The following TRIM9 variants were observed in gnomAD, a reference collection of about 807,000 sequenced individuals.
The protein encoded by TRIM9 is tripartite motif containing 9.
A neutral mutation model predicts 78.3 loss-of-function variants in TRIM9; 26 were observed. The ratio of observed to expected loss-of-function variants is 0.33; its 90% CI spans 0.24 to 0.46. The LOEUF (loss-of-function observed/expected upper bound fraction) is 0.46. TRIM9 is among the 20% of genes least tolerant of loss of function. The probability of loss-of-function intolerance (pLI) is 1.00; values close to 1 mark genes in which losing one functional copy is unlikely to be tolerated. For synonymous variants in TRIM9, 398 were observed against 416.5 expected (o/e 0.96, Z 0.54); for missense variants, 787 against 1,036.4 (o/e 0.76, Z 3.30).
At chr14:51,035,506 A>G (rs991129709) in intron 1 of TRIM9, among the ~76,000 whole-genome samples, 7 of 152,208 alleles carry the variant, frequency 4.6e-5, no homozygotes, top group Non-Finnish European at 7.3e-5. Flanking sequence ...AAAAAACACT[A>G]TTTGTAGAAC....
rs776195727 is a variant in TRIM9, at chr14:51,010,511, A to C, written c.1042-17T>G. ...TCGAACCACCTAGGATTAAAAAAAAAACAACAGAACAGTCCAAGATGGCAG... is the reference window on the plus strand; with the variant it reads ...TCGAACCACCTAGGATTAAAAAAAACACAACAGAACAGTCCAAGATGGCAG... On this transcript the variant is annotated splice_polypyrimidine_tract_variant and intron_variant, in intron 3 of 12. Transcript: ENST00000684578. 5.0e-6 allele frequency: 8 copies of C among 1,591,524 alleles called. No individual in the cohort carries two copies. In the African/African-American group the frequency reaches 8.1e-5, roughly 16 times the overall value.
intron 7 of TRIM9, among the ~76,000 whole-genome samples, chr14:50,992,897 A>G (rs1016895386): frequency 6.6e-6 from 1 of 152,224 alleles, no homozygotes; most frequent in Non-Finnish European, 1.5e-5. Context: ...TTGTCATTAG[A>G]TAAAACAATC....
chr14:51,077,140 A>C (rs1169954782), intron 1 of TRIM9, among the ~76,000 whole-genome samples: 1 of 152,144 alleles, frequency 6.6e-6, no homozygotes, highest in Non-Finnish European at 1.5e-5. Context: ...GGGTTCTCCT[A>C]ACTTATGTAC....
chr14:51,016,914 T>C (rs1212368172), intron 3 of TRIM9, among the ~76,000 whole-genome samples: 2 of 152,234 alleles, frequency 1.3e-5, no homozygotes, highest in Non-Finnish European at 2.9e-5. Context: ...GACTGTACTT[T>C]TAAGATGCAA....
intron 1 of TRIM9, among the ~76,000 whole-genome samples, chr14:51,032,726 A>C (rs1464817045): frequency 6.6e-6 from 1 of 152,246 alleles, no homozygotes. Context: ...CCTCATCTGC[A>C]ACATGGGGAT....
intron 1 of TRIM9, among the ~76,000 whole-genome samples, chr14:51,079,429 C>A (rs894292014): frequency 4.6e-5 from 7 of 152,176 alleles, no homozygotes; most frequent in African/African-American, 1.7e-4. Context: ...TGTCCTATTT[C>A]ATTTCCATGG....
chr14:51,041,361 G>A (rs559745990), intron 1 of TRIM9, among the ~76,000 whole-genome samples: 4 of 152,356 alleles, frequency 2.6e-5, no homozygotes, highest in South Asian at 2.1e-4. Flanking sequence ...TGAAGCTGCC[G>A]CTAACATCAC....
intron 1 of TRIM9, among the ~76,000 whole-genome samples, chr14:51,072,063 T>C (rs945971358): frequency 1.3e-5 from 2 of 152,198 alleles, no homozygotes; most frequent in African/African-American, 4.8e-5. Flanking sequence ...TTCTCTGGGC[T>C]GCCCATGCTG....
chr14:51,049,945 G>C (rs1027320423), intron 1 of TRIM9, among the ~76,000 whole-genome samples: 2 of 152,110 alleles, frequency 1.3e-5, no homozygotes, highest in African/African-American at 4.8e-5. Flanking sequence ...GGAGGGGTTG[G>C]GTGCATTAAG....
chr14:51,053,596 T>TTTTTTTTTTTTTTTTTTTTTA (rs2060637244), intron 1 of TRIM9, among the ~76,000 whole-genome samples: 2 of 56,460 alleles, frequency 3.5e-5, no homozygotes, highest in Non-Finnish European at 8.2e-5. Context: ...TTTTTTTTAA[T>TTTTTTTTTTTTTTTTTTTTTA]TTTTTTTTTT....
chr14:50,987,777 A>T (rs1443891686), intron 7 of TRIM9, among the ~76,000 whole-genome samples: 1 of 151,956 alleles, frequency 6.6e-6, no homozygotes, highest in African/African-American at 2.4e-5. Context: ...TGTCAATAAA[A>T]TATTTTATTT....
intron 1 of TRIM9, among the ~76,000 whole-genome samples, chr14:51,025,575 A>G (rs533894336): frequency 6.6e-6 from 1 of 152,332 alleles, no homozygotes; most frequent in South Asian, 2.1e-4. Context: ...TTCTGGCCAC[A>G]GCAGTCAAAG....
At chr14:51,060,680 G>C (rs779597990) in intron 1 of TRIM9, among the ~76,000 whole-genome samples, 1 of 152,100 alleles carries the variant, frequency 6.6e-6, no homozygotes, top group Non-Finnish European at 1.5e-5. Context: ...TGTTAGCCAG[G>C]ATGGTCTCGA....
intron 11 of TRIM9, 54 bp from the exon 12 acceptor site, chr14:50,979,603 TCCC>T: frequency 6.8e-7 from 1 of 1,474,678 alleles, no homozygotes; most frequent in South Asian, 1.2e-5. Context: ...CTCTAGAAGC[TCCC>T]CCCTTTTGTG....
At chr14:51,018,333 T>C (rs894897728) in intron 3 of TRIM9, among the ~76,000 whole-genome samples, 2 of 151,932 alleles carry the variant, frequency 1.3e-5, no homozygotes, top group African/African-American at 4.8e-5. Context: ...TTTCCTTCTT[T>C]CCTTCCTTCT....
At chr14:51,032,886 A>G (rs2058850280) in intron 1 of TRIM9, among the ~76,000 whole-genome samples, 1 of 152,234 alleles carries the variant, frequency 6.6e-6, no homozygotes, top group African/African-American at 2.4e-5. Context: ...AAACATTTCA[A>G]TGAACCTTTC....
intron 5 of TRIM9, among the ~76,000 whole-genome samples, chr14:51,003,657 G>C (rs1181361122): frequency 6.6e-6 from 1 of 151,616 alleles, no homozygotes; most frequent in South Asian, 2.1e-4. Flanking sequence ...AAAAAAAAAA[G>C]GCTAGACTCT....
In TRIM9 at chr14:50,996,265, C is replaced by T. The variant is rs1424421870; in HGVS notation, c.1603+1785G>A. The stretch of plus-strand genomic sequence containing the variant: ...TTCTTTGTTGGAAGAGAACTTGTTC[C>T]GTTTGTTTCATCTAGAAAATGACCC... On this transcript the variant is annotated intron_variant, in intron 7 of 12. Transcript: ENST00000684578. The T allele has an allele frequency of 1.0e-5, 10 of 985,156 alleles. No homozygotes were observed. In the South Asian group the frequency reaches 1.9e-4, roughly 19 times the overall value. 61.0% of individuals were successfully genotyped at this position (985,156 alleles called of 1,614,324 possible). A position where few individuals can be genotyped will look rare whatever the true frequency, so the allele number is the denominator to read the frequency against.
chr14:51,058,288 C>T (rs139595919), intron 1 of TRIM9, among the ~76,000 whole-genome samples: 1 of 152,284 alleles, frequency 6.6e-6, no homozygotes, highest in East Asian at 1.9e-4. Context: ...CATCCTTGAG[C>T]TAGTTACTCA....
Sources: gnomAD v4.1 joint callset for allele counts (sites outside exome capture counted in the v4.1 genomes callset) on GRCh38, gnomAD v4.1.1 for gene constraint, MANE v1.5 for transcripts, NCBI Gene and HGNC (gene_info 2026-07-23, HGNC 2026-07-21) for gene names.